The following CDK18 variants were observed in gnomAD, a reference collection of about 807,000 sequenced individuals.
CDK18 encodes the protein cyclin dependent kinase 18, also known as cyclin-dependent kinase 18.
In CDK18, 52 loss-of-function variants were observed where a neutral mutation model predicts 62.0. That is an observed-to-expected ratio of 0.84 (90% CI 0.67 to 1.06). CDK18 has a LOEUF of 1.06. CDK18 is among the 50% of genes least tolerant of loss of function. CDK18 has a pLI of 0.00. For synonymous variants in CDK18, 237 were observed against 247.0 expected, an observed-to-expected ratio of 0.96 and a Z score of 0.38; for missense variants, 604 against 619.9, an observed-to-expected ratio of 0.97 and a Z score of 0.27.
Position 205,527,519 on chromosome 1 carries a change from C to A in CDK18, c.730-275C>A. On this transcript the variant is annotated intron_variant, in intron 8 of 15. Transcript: ENST00000429964. This position sits in a 1 kb window ranked among gnomAD's most constrained non-coding sequence, Gnocchi z 4.1. ...AAAAAAAGGGATCAAGCACATATGTCTCCACATAGGCGGGCATCCTGACCC... is the reference window on the plus strand; with the variant it reads ...AAAAAAAGGGATCAAGCACATATGTATCCACATAGGCGGGCATCCTGACCC... The A allele has an allele frequency of 5.1e-6, 2 of 394,672 alleles. No homozygotes were observed. Among genetic ancestry groups the A allele is most frequent in the Non-Finnish European group, 9.3e-6 (2 of 216,142 alleles). 24.4% of individuals were successfully genotyped at this position (394,672 alleles called of 1,614,324 possible). A position where few individuals can be genotyped will look rare whatever the true frequency, so the allele number is the denominator to read the frequency against.
chr1:205,529,212 C>G, intron 11 of CDK18, 112 bp from the exon 12 acceptor site: 2 of 1,325,392 alleles, frequency 1.5e-6, no homozygotes, highest in Non-Finnish European at 2.1e-6. Context: ...CGGGCGGGGA[C>G]CCCCTGTGGC....
In CDK18 at chr1:205,529,502, C is replaced by G; in HGVS notation, c.1179-19C>G. ...ATCCCCAATCAGGCACAGCCTGTGT[C>G]CGCGCCTTCTCCTTGCAGGTTGGAT... On this transcript the variant is annotated intron_variant, in intron 12 of 15. Transcript: ENST00000429964. 5 of 1,609,648 alleles carry G rather than the reference C, an allele frequency of 3.1e-6. No individual in the cohort carries two copies. The highest frequency in any genetic ancestry group is 4.2e-6 in the Non-Finnish European group (5 of 1,177,184).
intron 1 of CDK18, among the ~76,000 whole-genome samples, chr1:205,512,900 C>T (rs1667635386): frequency 6.6e-6 from 1 of 152,314 alleles, no homozygotes; most frequent in Non-Finnish European, 1.5e-5. Flanking sequence ...TCAAAGGCCC[C>T]TGCAGTTCTG....
In CDK18 at chr1:205,526,060, C is replaced by T; in HGVS notation, c.457-5C>T. ...GCCTGGGGCCGCTGTGGCCCTCCAT[C>T]CCAGGGCACCTATGCCACAGTCTTC... On this transcript the variant is annotated splice_region_variant and splice_polypyrimidine_tract_variant and intron_variant, in intron 5 of 15. Coordinates refer to ENST00000429964, the MANE Select transcript of CDK18 (RefSeq NM_212502.3). 2 of 1,606,312 alleles carry T rather than the reference C, an allele frequency of 1.2e-6. No individual in the cohort carries two copies. Among genetic ancestry groups the T allele is most frequent in the Non-Finnish European group, 1.7e-6 (2 of 1,174,864 alleles).
chr1:205,505,738 G>T (rs965721799), intron 1 of CDK18, among the ~76,000 whole-genome samples: 1 of 152,140 alleles, frequency 6.6e-6, no homozygotes. Context: ...ACAGTGAGGG[G>T]TTTTCTGTGC....
intron 1 of CDK18, among the ~76,000 whole-genome samples, chr1:205,518,533 C>T (rs1667944689): frequency 6.6e-6 from 1 of 152,164 alleles, no homozygotes; most frequent in Non-Finnish European, 1.5e-5. Context: ...AGGGAAGGGG[C>T]AAGGGCGGGG....
intron 14 of CDK18, 78 bp from the exon 15 acceptor site, chr1:205,530,550 G>A: frequency 1.2e-5 from 16 of 1,366,614 alleles, no homozygotes; most frequent in Non-Finnish European, 1.7e-5. Context: ...CGAGGGCTCA[G>A]TTGGTCCTTC....
intron 4 of CDK18, 135 bp from the exon 5 acceptor site, chr1:205,525,004 A>T (rs1668349036): frequency 3.7e-6 from 2 of 547,036 alleles, no homozygotes; most frequent in Non-Finnish European, 6.8e-6. Flanking sequence ...TATCACAGGG[A>T]TAAAGGGAAA....
At chr1:205,530,133 C>G (rs1558787464) in intron 13 of CDK18, 126 bp from the exon 14 acceptor site, 3 of 1,508,364 alleles carry the variant, frequency 2.0e-6, no homozygotes, top group Non-Finnish European at 2.7e-6. Flanking sequence ...GGAGGCTGAC[C>G]TGGGGCTTCT....
chr1:205,526,939 G>GCT, intron 8 of CDK18, 102 bp downstream of exon 8: 1 of 921,532 alleles, frequency 1.1e-6, no homozygotes, highest in Non-Finnish European at 1.8e-6. Flanking sequence ...TGCTGAGGTG[G>GCT]CTCAGACCTT....
At chr1:205,511,127 T>C (rs1353617999) in intron 1 of CDK18, among the ~76,000 whole-genome samples, 1 of 152,228 alleles carries the variant, frequency 6.6e-6, no homozygotes, top group African/African-American at 2.4e-5. Flanking sequence ...GTCCCGACAG[T>C]TTTTGTATGG....
chr1:205,526,364 C>T lies in CDK18; in HGVS notation c.572-3C>T. The T allele has an allele frequency of 1.2e-6, 2 of 1,613,028 alleles. No homozygotes were observed. Among genetic ancestry groups the T allele is most frequent in the Non-Finnish European group, 1.7e-6 (2 of 1,178,970 alleles). ...GGACCCAGGTGGATCTGTCTCCTCACAGTGTCTCTGCTGAAGAACCTGAAG... is the reference window on the plus strand; with the variant it reads ...GGACCCAGGTGGATCTGTCTCCTCATAGTGTCTCTGCTGAAGAACCTGAAG... On this transcript the variant is annotated splice_region_variant and splice_polypyrimidine_tract_variant and intron_variant, in intron 6 of 15. Coordinates refer to ENST00000429964, the MANE Select transcript of CDK18 (RefSeq NM_212502.3).
intron 1 of CDK18, among the ~76,000 whole-genome samples, chr1:205,513,418 A>G (rs1372699622): frequency 6.6e-6 from 1 of 152,198 alleles, no homozygotes; most frequent in Non-Finnish European, 1.5e-5. Flanking sequence ...TATCACTTGG[A>G]CATCCTGAGC....
At position 205,517,240 on chromosome 1, in the gene CDK18, A is replaced by T. The variant is rs1667868142; in HGVS notation, c.-21-5907A>T. Among the ~76,000 whole-genome samples, 1 of 152,132 alleles carries T rather than the reference A, an allele frequency of 6.6e-6. No individual in the cohort carries two copies. On this transcript the variant is annotated intron_variant, in intron 1 of 15. Transcript: ENST00000429964. The surrounding 1 kb of genome is among the most constrained non-coding windows in gnomAD (Gnocchi z 4.1). ...ACCCTGCGTGGCCCTGCAGTTGTCT[A>T]AGTAGGGGGGACCCTGCCTCCCTGG...
intron 1 of CDK18, among the ~76,000 whole-genome samples, chr1:205,513,152 G>T (rs1027705315): frequency 6.6e-6 from 1 of 152,258 alleles, no homozygotes; most frequent in Non-Finnish European, 1.5e-5. Context: ...CTAAGGAAAG[G>T]TTCCAGACTT....
intron 13 of CDK18, 22 bp downstream of exon 13, chr1:205,529,585 C>T (rs377317938): frequency 6.2e-7 from 1 of 1,613,346 alleles, no homozygotes; most frequent in African/African-American, 1.3e-5. Context: ...CCCGGCGGGG[C>T]CCAGGGAGAG....
rs912407878 is a variant in CDK18, at chr1:205,523,194, T to A, written c.27T>A (p.Phe9Leu). MIMNKMKN[F>L]KRRFSLSVPR... ...TGATCATGAACAAGATGAAGAACTT[T>A]AAGCGCCGTTTCTCCCTGTCAGTGC... is the stretch of plus-strand genomic sequence containing the variant. Residue 9 changes from phenylalanine (F) to leucine (L), a missense_variant, in exon 2 of 16, where the codon TTT becomes TTA. By Grantham distance (22) the Phe-to-Leu change is conservative (BLOSUM62 0). Transcript: ENST00000429964. 4.3e-6 allele frequency: 7 copies of A among 1,613,378 alleles called. No individual in the cohort carries two copies. The highest frequency in any genetic ancestry group is 5.9e-6 in the Non-Finnish European group (7 of 1,179,498).
At position 205,528,070 on chromosome 1, in the gene CDK18, G is replaced by A; in HGVS notation, c.876G>A (p.Val292=). ...ADFGLARAKS[V]PTKTYSNEVV... ...CAGGACTGGCCAGGGCCAAGTCAGT[G>A]CCCACAAAGACTTACTCCAATGAGG... The change falls in exon 10 of 16, where the codon GTG becomes GTA. Residue 292 remains valine (V), a synonymous_variant. Transcript: ENST00000429964. This position sits in a 1 kb window ranked among gnomAD's most constrained non-coding sequence, Gnocchi z 4.2. 3 of 1,614,156 alleles carry A rather than the reference G, an allele frequency of 1.9e-6. No homozygotes were observed. Among genetic ancestry groups the A allele is most frequent in the Non-Finnish European group, 2.5e-6 (3 of 1,180,016 alleles).
Position 205,528,369 on chromosome 1 carries a change from C to A in CDK18, c.974+201C>A, listed in dbSNP as rs750888961. Among the ~76,000 whole-genome samples, 1 of 152,090 alleles carries A rather than the reference C, an allele frequency of 6.6e-6. No homozygotes were observed. The highest frequency in any genetic ancestry group is 1.5e-5 in the Non-Finnish European group (1 of 68,016). ...AGGGTTTCCCTGGCTTAAATAGACC[C>A]CCAAGCCTGTGCATTTGAAATCCTC... On this transcript the variant is annotated intron_variant, in intron 10 of 15. Transcript: ENST00000429964. The surrounding 1 kb of genome is among the most constrained non-coding windows in gnomAD (Gnocchi z 4.2).
Sources: gnomAD v4.1 joint callset for allele counts (sites outside exome capture counted in the v4.1 genomes callset) on GRCh38, gnomAD v4.1.1 for gene constraint, Gnocchi (gnomAD v3.1) non-coding constraint, MANE v1.5 for transcripts, NCBI Gene and HGNC (gene_info 2026-07-23, HGNC 2026-07-21) for gene names.